ARHGEF6: variants seen among roughly 807,000 people sequenced by gnomAD.
The protein encoded by ARHGEF6 is rho guanine nucleotide exchange factor 6.
ARHGEF6 carries 9 observed loss-of-function variants against 70.3 expected under a neutral mutation model. That is an observed-to-expected ratio of 0.13 (90% confidence interval 0.08 to 0.22). ARHGEF6 has a LOEUF of 0.22. Ranked by LOEUF, ARHGEF6 falls within the 10% of genes least tolerant of loss-of-function variation. The pLI is 1.00. For missense variants in ARHGEF6, 470 were observed against 563.0 expected (o/e 0.83, Z 1.67); for synonymous variants, 201 against 207.8 (o/e 0.97, Z 0.28).
chrX:136,713,871 T>C (rs1396530754), intron 6 of ARHGEF6, among the ~76,000 whole-genome samples: 1 of 112,138 alleles, frequency 8.9e-6, no homozygotes, highest in Non-Finnish European at 1.9e-5. Flanking sequence ...ATTCCTCTTT[T>C]ATGGAGGAGA....
chrX:136,732,553 G>A (rs2076946653), intron 5 of ARHGEF6, among the ~76,000 whole-genome samples: 1 of 112,345 alleles, frequency 8.9e-6, no homozygotes, highest in Non-Finnish European at 1.9e-5. Context: ...TTCAACTTAC[G>A]ATTTTTCAAC....
intron 2 of ARHGEF6, chrX:136,767,568 G>A: frequency 1.3e-6 from 1 of 754,809 alleles, no homozygotes; most frequent in Non-Finnish European, 1.6e-6. Flanking sequence ...CCGAACTGGG[G>A]GTGCCGGAGG....
chrX:136,674,608 T>G (rs892079452), intron 19 of ARHGEF6, among the ~76,000 whole-genome samples: 1 of 112,321 alleles, frequency 8.9e-6, no homozygotes, highest in Non-Finnish European at 1.9e-5. Flanking sequence ...AAAGATAGTA[T>G]TTTGACTTCC....
intron 5 of ARHGEF6, among the ~76,000 whole-genome samples, chrX:136,740,498 C>A (rs1274064758): frequency 8.9e-6 from 1 of 111,806 alleles, no homozygotes; most frequent in Non-Finnish European, 1.9e-5. Flanking sequence ...GCAACTCAGA[C>A]CTGTCCTTGA....
At position 136,760,120 on chromosome X, in the gene ARHGEF6, T is replaced by C. The variant is rs760060846; in HGVS notation, c.250-12528A>G. On this transcript the variant is annotated intron_variant, in intron 2 of 21. Transcript: ENST00000250617. ...GGAAGTGCCATTGCCCATGTTGAAATGCAGATACAGAGTAGCTTCTGGACT... is the reference window on the plus strand; with the variant it reads ...GGAAGTGCCATTGCCCATGTTGAAACGCAGATACAGAGTAGCTTCTGGACT... 3.6e-5 allele frequency among the ~76,000 whole-genome samples: 4 copies of C among 112,391 alleles called. No homozygotes were observed. The South Asian group carries it at 1.5e-3, about 41-fold the overall frequency.
intron 9 of ARHGEF6, among the ~76,000 whole-genome samples, chrX:136,694,360 T>C (rs2076489920): frequency 8.9e-6 from 1 of 112,261 alleles, no homozygotes; most frequent in African/African-American, 3.2e-5. Flanking sequence ...GCCTTGTCCC[T>C]ACCACTTTTT....
intron 2 of ARHGEF6, among the ~76,000 whole-genome samples, chrX:136,757,808 T>C (rs1022489849): frequency 1.8e-5 from 2 of 111,618 alleles, no homozygotes; most frequent in African/African-American, 6.5e-5. Flanking sequence ...GAGCCCACAG[T>C]GCCAGGCATG....
At chrX:136,732,280 T>G (rs1481754960) in intron 5 of ARHGEF6, 108 bp from the exon 6 acceptor site, 1 of 603,614 alleles carries the variant, frequency 1.7e-6, no homozygotes, top group Admixed American at 2.8e-5. Context: ...GAAGGATCAA[T>G]GGAAATGTAC....
At chrX:136,742,095 C>T (rs747361223) in intron 5 of ARHGEF6, among the ~76,000 whole-genome samples, 217 of 110,721 alleles carry the variant, frequency 2.0e-3, no homozygotes, top group African/African-American at 6.9e-3. Context: ...CTGAGGCGGG[C>T]GGATCACAAG....
intron 8 of ARHGEF6, among the ~76,000 whole-genome samples, chrX:136,708,240 C>T (rs2076647329): frequency 9.1e-6 from 1 of 110,315 alleles, no homozygotes; most frequent in Admixed American, 9.7e-5. Context: ...GGAGGGAGAG[C>T]ATTAGGACAA....
intron 10 of ARHGEF6, 84 bp from the exon 11 acceptor site, chrX:136,688,075 G>A (rs2076422680): frequency 2.8e-6 from 2 of 716,251 alleles, no homozygotes; most frequent in Admixed American, 4.5e-5. Context: ...AGAGAGTATG[G>A]CCACAAAGAT....
chrX:136,737,581 C>T (rs918464982), intron 5 of ARHGEF6: 35 of 660,140 alleles, frequency 5.3e-5, no homozygotes, highest in Non-Finnish European at 6.2e-5. Context: ...AGCCCGGGCA[C>T]GGTGGCTCAC....
intron 18 of ARHGEF6, among the ~76,000 whole-genome samples, chrX:136,675,578 C>T (rs2076273320): frequency 9.1e-6 from 1 of 110,031 alleles, no homozygotes; most frequent in African/African-American, 3.3e-5. Context: ...TGCAGTGGCG[C>T]GATCTCGGCT....
chrX:136,674,907 C>T, intron 19 of ARHGEF6, 100 bp downstream of exon 19: 2 of 764,994 alleles, frequency 2.6e-6, no homozygotes, highest in African/African-American at 2.1e-5. Context: ...GCTTTCCACA[C>T]CCTGCAACCC....
chrX:136,729,560 A>T (rs2076912902), intron 6 of ARHGEF6, among the ~76,000 whole-genome samples: 1 of 106,630 alleles, frequency 9.4e-6, no homozygotes, highest in Admixed American at 1.0e-4. Context: ...GGCCAGGCAC[A>T]GTGGCTCACA....
intron 5 of ARHGEF6, among the ~76,000 whole-genome samples, chrX:136,734,431 A>G (rs1170045002): frequency 8.9e-6 from 1 of 112,148 alleles, no homozygotes; most frequent in African/African-American, 3.2e-5. Context: ...TCAGAAAACA[A>G]AAACTACCAC....
chrX:136,733,298 T>C (rs1387548732), intron 5 of ARHGEF6, among the ~76,000 whole-genome samples: 1 of 111,658 alleles, frequency 9.0e-6, no homozygotes, highest in Non-Finnish European at 1.9e-5. Flanking sequence ...TATAGCGCAG[T>C]ATAAATAACC....
chrX:136,770,800 C>T (rs773015342), intron 2 of ARHGEF6, among the ~76,000 whole-genome samples: 52 of 112,310 alleles, frequency 4.6e-4, no homozygotes, highest in Admixed American at 3.8e-4. Flanking sequence ...AGCTCGAGAC[C>T]AGCCTGGGCT....
Position 136,692,343 on chromosome X carries a change from C to T in ARHGEF6, c.1047-1595G>A, listed in dbSNP as rs1439835020. ...CTGGGCTCAAGCAATCCTCCCACCT[C>T]GGCCTCCCAAAGTGCTGGGACTACA... On this transcript the variant is annotated intron_variant, in intron 9 of 21. Transcript: ENST00000250617. Among the ~76,000 whole-genome samples the T allele has an allele frequency of 2.7e-5, 3 of 111,665 alleles. No individual in the cohort carries two copies. In the Admixed American group the frequency reaches 2.8e-4, roughly 11 times the overall value.
Sources: allele counts gnomAD v4.1 joint callset (sites outside exome capture counted in the v4.1 genomes callset), GRCh38; gene constraint gnomAD v4.1.1; transcripts MANE v1.5; gene names NCBI Gene and HGNC (gene_info 2026-07-23, HGNC 2026-07-21).